Variants in CCT6B observed in about 807,000 individuals in gnomAD.
CCT6B encodes the protein probable T-complex protein 1 subunit zeta-2.
A neutral mutation model predicts 61.5 loss-of-function variants in CCT6B; 49 were observed. The ratio of observed to expected loss-of-function variants is 0.80; its 90% CI spans 0.63 to 1.01. CCT6B has a LOEUF of 1.01. Ranked by LOEUF, CCT6B falls within the 50% of genes least tolerant of loss-of-function variation. The probability of loss-of-function intolerance (pLI) is 0.00; values close to 1 mark genes in which losing one functional copy is unlikely to be tolerated. For missense variants in CCT6B, 666 were observed against 634.7 expected (o/e 1.05, Z -0.53); for synonymous variants, 228 against 214.5 (o/e 1.06, Z -0.55).
At chr17:34,938,901 G>A (rs1230520483) in intron 10 of CCT6B, among the ~76,000 whole-genome samples, 1 of 152,124 alleles carries the variant, frequency 6.6e-6, no homozygotes, top group African/African-American at 2.4e-5. Flanking sequence ...TGGCCAACAT[G>A]GCGAAACCCC....
rs1157330356 is a variant in CCT6B at position 34,942,614 on chromosome 17, G to A, written c.755C>T (p.Thr252Ile). 27 of 1,599,896 alleles carry A rather than the reference G, an allele frequency of 1.7e-5. No individual in the cohort carries two copies. Among genetic ancestry groups the A allele is most frequent in the African/African-American group, 2.7e-5 (2 of 73,704 alleles). Reference sequence around the variant, plus strand: ...TACCAATTTCTCTTTCTCTTCTGCAGTCTTATAAAAGAAACCAGAGTTCAC... The same window carrying A: ...TACCAATTTCTCTTTCTCTTCTGCAATCTTATAAAAGAAACCAGAGTTCAC... ...TEVNSGFFYK[T>I]AEEKEKLVKA... The change falls in exon 7 of 14, where the codon ACT becomes ATT. Residue 252 changes from threonine to isoleucine, a missense_variant. Physicochemically the swap from Thr to Ile is moderately conservative, Grantham distance 89 (BLOSUM62 -1). Coordinates refer to ENST00000314144, the MANE Select transcript of CCT6B (RefSeq NM_006584.4).
intron 3 of CCT6B, among the ~76,000 whole-genome samples, chr17:34,955,319 A>G (rs1339933214): frequency 6.6e-6 from 1 of 152,212 alleles, no homozygotes; most frequent in Non-Finnish European, 1.5e-5. Context: ...AGATTAGATA[A>G]CAGTAATGTA....
intron 1 of CCT6B, among the ~76,000 whole-genome samples, chr17:34,960,586 T>A (rs929972115): frequency 6.6e-6 from 1 of 152,118 alleles, no homozygotes; most frequent in South Asian, 2.1e-4. Flanking sequence ...CTCTACCACA[T>A]CTCCTTAAGA....
At chr17:34,949,106 G>GAAAAGAAAAC (rs909196765) in intron 5 of CCT6B, among the ~76,000 whole-genome samples, 3 of 62,358 alleles carry the variant, frequency 4.8e-5, no homozygotes, top group Non-Finnish European at 1.1e-4. Context: ...GAAAAGAAAA[G>GAAAAGAAAAC]AGAAAAGAAA....
chr17:34,961,214 C>A lies in CCT6B; in HGVS notation c.137+43G>T, dbSNP rs781695366. 4 of 1,564,272 alleles carry A rather than the reference C, an allele frequency of 2.6e-6. No individual in the cohort carries two copies. The East Asian group carries it at 9.1e-5, about 35-fold the overall frequency. On this transcript the variant is annotated intron_variant, in intron 1 of 13. Coordinates refer to ENST00000314144, the MANE Select transcript of CCT6B (RefSeq NM_006584.4). ...GCCTCAGAGGGCGACAGGACACCAA[C>A]GGGCCCCTAGCCGCGTAATGGCCGC...
chr17:34,954,492 G>A lies in CCT6B; in HGVS notation c.444C>T (p.Leu148=). 1.2e-6 allele frequency: 2 copies of A among 1,613,644 alleles called. No individual in the cohort carries two copies. The highest frequency in any genetic ancestry group is 1.1e-5 in the South Asian group (1 of 91,034). The change falls in exon 4 of 14, where the codon CTC becomes CTT. Residue 148 remains leucine (L), a synonymous_variant. Transcript: ENST00000314144. ...KVTKEMKRKI[L]LDVARTSLQT... ...GTAATGATGTTCTAGCTACATCTAA[G>A]AGGATTTTTCTTTTCATCTCCTTTG... is the stretch of plus-strand genomic sequence containing the variant.
intron 3 of CCT6B, among the ~76,000 whole-genome samples, chr17:34,955,489 G>A (rs2090337843): frequency 2.0e-5 from 3 of 152,066 alleles, no homozygotes; most frequent in Admixed American, 6.6e-5. Context: ...AAGAGAACAG[G>A]GCAAGCAGGC....
At chr17:34,939,122 T>C (rs2090129168) in intron 10 of CCT6B, 61 bp downstream of exon 10, 3 of 1,276,042 alleles carry the variant, frequency 2.4e-6, no homozygotes, top group African/African-American at 3.0e-5. Flanking sequence ...TGTGTGTATA[T>C]ATATATACAT....
chr17:34,945,460 A>G (rs1456222975), intron 5 of CCT6B, among the ~76,000 whole-genome samples: 1 of 152,176 alleles, frequency 6.6e-6, no homozygotes, highest in East Asian at 1.9e-4. Flanking sequence ...CCTGCTGATC[A>G]TGAAAAAGCC....
chr17:34,941,090 G>A (rs894301849), intron 7 of CCT6B, among the ~76,000 whole-genome samples: 1 of 152,094 alleles, frequency 6.6e-6, no homozygotes, highest in Non-Finnish European at 1.5e-5. Flanking sequence ...AGGCTTTTCA[G>A]ATAATTATGG....
At chr17:34,958,796 A>G in intron 2 of CCT6B, 102 bp from the exon 3 acceptor site, 1 of 786,954 alleles carries the variant, frequency 1.3e-6, no homozygotes, top group Non-Finnish European at 1.8e-6. Flanking sequence ...TTAAAAAATG[A>G]AATAAGCTTC....
In CCT6B at chr17:34,928,520, G is replaced by A. The variant is rs559039540; in HGVS notation, c.1524-403C>T. Among the ~76,000 whole-genome samples the A allele has an allele frequency of 1.2e-4, 18 of 152,184 alleles. No homozygotes were observed. The South Asian group carries it at 1.2e-3, about 11-fold the overall frequency. On this transcript the variant is annotated intron_variant, in intron 13 of 13. Coordinates refer to ENST00000314144, the MANE Select transcript of CCT6B (RefSeq NM_006584.4). ...ACTCCTGACCTTAGGTGATTCACCC[G>A]CCTCGGCCTCCCAAAGTGCTGGGAT...
intron 4 of CCT6B, 38 bp from the exon 5 acceptor site, chr17:34,952,091 G>T (rs1187211030): frequency 7.8e-7 from 1 of 1,284,904 alleles, no homozygotes; most frequent in Non-Finnish European, 1.1e-6. Flanking sequence ...AAGTTATTTG[G>T]ACTACTAAAA....
Position 34,939,569 on chromosome 17 carries a change from A to G in CCT6B, c.1065+48T>C, listed in dbSNP as rs181826563. ...GTCAAGTAGTATTTTTCTTTAAAAAAGGGGGCTTAGTATTCACTTTATAAC... is the reference window on the plus strand; with the variant it reads ...GTCAAGTAGTATTTTTCTTTAAAAAGGGGGGCTTAGTATTCACTTTATAAC... On this transcript the variant is annotated intron_variant, in intron 9 of 13. Transcript: ENST00000314144. 219 of 1,177,646 alleles carry G rather than the reference A, an allele frequency of 1.9e-4. No individual in the cohort carries two copies. The East Asian group carries it at 4.6e-3, about 25-fold the overall frequency. 72.9% of individuals were successfully genotyped at this position (1,177,646 alleles called of 1,614,324 possible). A position where few individuals can be genotyped will look rare whatever the true frequency, so the allele number is the denominator to read the frequency against.
At chr17:34,945,384 T>C (rs1298859982) in intron 5 of CCT6B, among the ~76,000 whole-genome samples, 2 of 152,162 alleles carry the variant, frequency 1.3e-5, no homozygotes, top group African/African-American at 4.8e-5. Flanking sequence ...ACTGAACTCT[T>C]GATTTATCTC....
chr17:34,945,384 TG>T (rs2090212138), intron 5 of CCT6B, among the ~76,000 whole-genome samples: 1 of 152,162 alleles, frequency 6.6e-6, no homozygotes, highest in African/African-American at 2.4e-5. Context: ...ACTGAACTCT[TG>T]ATTTATCTCC....
At chr17:34,955,086 C>A (rs2090333565) in intron 3 of CCT6B, among the ~76,000 whole-genome samples, 1 of 152,076 alleles carries the variant, frequency 6.6e-6, no homozygotes, top group Non-Finnish European at 1.5e-5. Flanking sequence ...CAATCTGTAA[C>A]CTAAGTTTAA....
Position 34,940,627 on chromosome 17 carries a change from A to G in CCT6B, c.886-6T>C. 7.1e-7 allele frequency: 1 copy of G among 1,415,202 alleles called. No individual in the cohort carries two copies. The highest frequency in any genetic ancestry group is 1.2e-5 in the South Asian group (1 of 80,152). The allele number at this position is 1,415,202 out of a possible 1,614,324, so 87.7% of individuals were successfully genotyped here. ...AAGGAAAATGGATCAATTCCCTATA[A>G]TCAAATTAACATAAAAATTATAAAC... On this transcript the variant is annotated splice_polypyrimidine_tract_variant and splice_region_variant and intron_variant, in intron 7 of 13. Coordinates refer to ENST00000314144, the MANE Select transcript of CCT6B (RefSeq NM_006584.4).
intron 3 of CCT6B, among the ~76,000 whole-genome samples, chr17:34,957,827 A>G (rs2090365635): frequency 6.6e-6 from 1 of 152,218 alleles, no homozygotes; most frequent in South Asian, 2.1e-4. Flanking sequence ...ATGTTTTCAG[A>G]GGCCAGTGAA....
Sources: gnomAD v4.1 joint callset for allele counts (sites outside exome capture counted in the v4.1 genomes callset) on GRCh38, gnomAD v4.1.1 for gene constraint, MANE v1.5 for transcripts, NCBI Gene and HGNC (gene_info 2026-07-23, HGNC 2026-07-21) for gene names.